The following TXNRD2 variants were observed in gnomAD, a reference collection of about 807,000 sequenced individuals.
The protein encoded by TXNRD2 is thioredoxin reductase 2, mitochondrial.
In TXNRD2, 67 loss-of-function variants were observed where a neutral mutation model predicts 70.8. The ratio of observed to expected loss-of-function variants is 0.95; its 90% CI spans 0.78 to 1.16. The LOEUF (loss-of-function observed/expected upper bound fraction) is 1.16, where lower values mean the gene tolerates loss of function less well. Among genes scored for constraint, TXNRD2 ranks in the 50% most tolerant of loss-of-function variants. The probability of loss-of-function intolerance (pLI) is 0.00; values close to 1 mark genes in which losing one functional copy is unlikely to be tolerated. For missense variants in TXNRD2, 644 were observed against 719.9 expected, an observed-to-expected ratio of 0.89 and a Z score of 1.21; for synonymous variants, 301 against 295.8, an observed-to-expected ratio of 1.02 and a Z score of -0.18.
intron 1 of TXNRD2, among the ~76,000 whole-genome samples, chr22:19,938,709 G>A (rs565994435): frequency 6.6e-6 from 1 of 152,182 alleles, no homozygotes; most frequent in Admixed American, 6.5e-5. Context: ...GCACAAATTG[G>A]GGCTGAAATT....
chr22:19,913,298 A>G (rs1269674448), intron 7 of TXNRD2, among the ~76,000 whole-genome samples: 2 of 152,210 alleles, frequency 1.3e-5, no homozygotes, highest in Admixed American at 6.5e-5. Flanking sequence ...GTCAGGAAAA[A>G]CAGCTGAAGC....
intron 8 of TXNRD2, among the ~76,000 whole-genome samples, chr22:19,901,653 G>C (rs776589499): frequency 6.6e-6 from 1 of 152,148 alleles, no homozygotes; most frequent in Admixed American, 6.5e-5. Context: ...AAAAATGCCC[G>C]AGCAAAATAA....
At chr22:19,920,441 G>C (rs1940854287) in intron 2 of TXNRD2, among the ~76,000 whole-genome samples, 1 of 152,206 alleles carries the variant, frequency 6.6e-6, no homozygotes, top group Non-Finnish European at 1.5e-5. Flanking sequence ...AAATTGGCCA[G>C]GTGTGGTGGT....
intron 5 of TXNRD2, among the ~76,000 whole-genome samples, chr22:19,917,585 T>G (rs912236214): frequency 1.8e-4 from 27 of 152,262 alleles, no homozygotes; most frequent in African/African-American, 6.0e-4. Context: ...GCATCTGCTG[T>G]GCTGGCAGCT....
chr22:19,930,936 G>T, intron 2 of TXNRD2, 94 bp downstream of exon 2: 3 of 1,129,698 alleles, frequency 2.7e-6, no homozygotes, highest in South Asian at 1.2e-5. Context: ...GGGAGGCAAC[G>T]CATTTTGCTC....
chr22:19,876,941 G>C, intron 17 of TXNRD2, 99 bp downstream of exon 17: 1 of 821,196 alleles, frequency 1.2e-6, no homozygotes, highest in Non-Finnish European at 1.8e-6. Flanking sequence ...GGCGTGGCAG[G>C]TGTAGCCTTG....
At chr22:19,889,135 T>G (rs1027228889) in intron 11 of TXNRD2, among the ~76,000 whole-genome samples, 2 of 152,110 alleles carry the variant, frequency 1.3e-5, no homozygotes. Context: ...GGGCGGCTCC[T>G]TGGGGGGTGG....
chr22:19,882,281 TTCC>T (rs1049855805), intron 12 of TXNRD2, among the ~76,000 whole-genome samples: 4 of 152,146 alleles, frequency 2.6e-5, no homozygotes, highest in Admixed American at 1.3e-4. Context: ...AACCTCCGCC[TTCC>T]TCCTCCCGAG....
intron 2 of TXNRD2, among the ~76,000 whole-genome samples, chr22:19,929,757 G>A (rs1017924624): frequency 6.6e-6 from 1 of 152,158 alleles, no homozygotes; most frequent in Non-Finnish European, 1.5e-5. Flanking sequence ...AGACTAACGG[G>A]GTGGAGGACA....
rs1941725473 is a variant in TXNRD2, at chr22:19,941,719, C to A, written c.85G>T (p.Ala29Ser). 6.7e-7 allele frequency: 1 copy of A among 1,485,556 alleles called. No homozygotes were observed. Among genetic ancestry groups the A allele is most frequent in the East Asian group, 2.8e-5 (1 of 35,428 alleles). 92.0% of individuals were successfully genotyped at this position (1,485,556 alleles called of 1,614,324 possible). A position where few individuals can be genotyped will look rare whatever the true frequency, so the allele number is the denominator to read the frequency against. The change falls in exon 1 of 18, where the codon GCG (alanine) becomes TCG (serine). Residue 29 changes from alanine to serine, a missense_variant. Physicochemically the swap from Ala to Ser is moderately conservative, Grantham distance 99. This residue lies in a region of TXNRD2 where 71 missense variants were observed against 53.6 expected (regional missense o/e 1.33). Transcript: ENST00000400521. ...TQAVAGGVRG[A>S]ARGAAAGQRD... ...ATCCTACCTGCTGCGCCCCGCGCCG[C>A]GCCCCGCACCCCGCCCGCCACGGCC...
intron 1 of TXNRD2, among the ~76,000 whole-genome samples, chr22:19,934,196 A>T (rs1268392328): frequency 6.6e-6 from 1 of 152,046 alleles, no homozygotes; most frequent in Non-Finnish European, 1.5e-5. Context: ...TGCATCGCCC[A>T]CCCACTCCAA....
rs144981539 is a variant in TXNRD2 at position 19,934,852 on chromosome 22, G to A, written c.104-3754C>T. ...GCTAGGATTACAGGCATGAGCCACC[G>A]CGCCTGGGCCCCCAAGTAATACTTT... is the stretch of plus-strand genomic sequence containing the variant. On this transcript the variant is annotated intron_variant, in intron 1 of 17. Coordinates refer to ENST00000400521, the MANE Select transcript of TXNRD2 (RefSeq NM_006440.5). 2.0e-3 allele frequency among the ~76,000 whole-genome samples: 299 copies of A among 152,230 alleles called. 1 individual carries two copies. The highest frequency in any genetic ancestry group is 6.8e-3 in the African/African-American group (283 of 41,526).
chr22:19,940,669 C>T (rs1341554746), intron 1 of TXNRD2, among the ~76,000 whole-genome samples: 2 of 152,178 alleles, frequency 1.3e-5, no homozygotes, highest in Admixed American at 6.5e-5. Flanking sequence ...GATGCCGAAT[C>T]CCCTTTTATG....
intron 2 of TXNRD2, among the ~76,000 whole-genome samples, chr22:19,929,542 A>G (rs988332242): frequency 1.3e-5 from 2 of 152,156 alleles, no homozygotes; most frequent in Non-Finnish European, 2.9e-5. Context: ...CTGATCCATT[A>G]GGACAGGTAC....
At chr22:19,888,490 C>T (rs868394572) in intron 11 of TXNRD2, among the ~76,000 whole-genome samples, 3 of 152,254 alleles carry the variant, frequency 2.0e-5, no homozygotes, top group Non-Finnish European at 2.9e-5. Context: ...TCTGATTTCA[C>T]GCCCGCCTGG....
intron 2 of TXNRD2, among the ~76,000 whole-genome samples, chr22:19,927,500 A>G: frequency 6.6e-6 from 1 of 151,322 alleles, no homozygotes; most frequent in Non-Finnish European, 1.5e-5. Flanking sequence ...CACCAAAAAA[A>G]TACAAAAAGT....
chr22:19,931,882 T>C (rs4485648), intron 1 of TXNRD2, among the ~76,000 whole-genome samples: 38,377 of 151,754 alleles, frequency 0.25, 5,837 homozygotes, highest in African/African-American at 0.43. Context: ...AAGCACAGGC[T>C]AGGGGCGGTA....
intron 11 of TXNRD2, among the ~76,000 whole-genome samples, chr22:19,890,951 A>G (rs1939238523): frequency 6.6e-6 from 1 of 152,022 alleles, no homozygotes; most frequent in South Asian, 2.1e-4. Flanking sequence ...TCTCCTGGGC[A>G]CCCCAGTCTC....
chr22:19,925,030 A>G (rs574464951), intron 2 of TXNRD2, among the ~76,000 whole-genome samples: 4 of 151,446 alleles, frequency 2.6e-5, no homozygotes, highest in Non-Finnish European at 5.9e-5. Flanking sequence ...CACGCCTGTA[A>G]TCCCAGCACT....
Sources: gnomAD v4.1 joint callset for allele counts (sites outside exome capture counted in the v4.1 genomes callset) on GRCh38, gnomAD v4.1.1 for gene constraint, gnomAD v4.1.1 regional missense constraint, MANE v1.5 for transcripts, NCBI Gene and HGNC (gene_info 2026-07-23, HGNC 2026-07-21) for gene names.